SV2B: variants seen among roughly 807,000 people sequenced by gnomAD.
SV2B encodes the protein synaptic vesicle glycoprotein 2B, also known as solute carrier family 22 member B2.
In SV2B, 41 loss-of-function variants were observed where a neutral mutation model predicts 73.9. The observed-to-expected ratio is 0.56, with a 90% CI of 0.43 to 0.72. The LOEUF (loss-of-function observed/expected upper bound fraction) is 0.72. Among genes scored for constraint, SV2B ranks in the 30% least tolerant of loss-of-function variants. SV2B has a pLI of 0.00. For missense variants in SV2B, 764 were observed against 857.8 expected (o/e 0.89, Z 1.37); for synonymous variants, 314 against 314.2 (o/e 1.00, Z 0.01).
rs180936928 is a variant in SV2B, at chr15:91,224,142, C to T, written c.-391-1731C>T. Among the ~76,000 whole-genome samples, 7 of 152,284 alleles carry T rather than the reference C, an allele frequency of 4.6e-5. No individual in the cohort carries two copies. The highest frequency in any genetic ancestry group is 2.6e-4 in the Admixed American group (4 of 15,302). On this transcript the variant is annotated intron_variant, in intron 1 of 12. Coordinates refer to ENST00000394232, the MANE Select transcript of SV2B (RefSeq NM_001323032.3). This position sits in a 1 kb window ranked among gnomAD's most constrained non-coding sequence, Gnocchi z 4.9. Reference sequence around the variant, plus strand: ...GGAAGCAGGTGTGGGGCAGAGGGCCCAGGGATGGGCTGTGGGCAGAGGGAG... The same window carrying T: ...GGAAGCAGGTGTGGGGCAGAGGGCCTAGGGATGGGCTGTGGGCAGAGGGAG...
chr15:91,205,586 G>C (rs1026231827), intron 1 of SV2B, among the ~76,000 whole-genome samples: 1 of 151,856 alleles, frequency 6.6e-6, no homozygotes, highest in African/African-American at 2.4e-5. Flanking sequence ...GACTGGTCTC[G>C]AACTCTTGAT....
chr15:91,239,873 G>T lies in SV2B; in HGVS notation c.452-11946G>T, dbSNP rs971522172. Among the ~76,000 whole-genome samples the T allele has an allele frequency of 1.3e-5, 2 of 152,200 alleles. No homozygotes were observed. The highest frequency in any genetic ancestry group is 4.8e-5 in the African/African-American group (2 of 41,450). On this transcript the variant is annotated intron_variant, in intron 2 of 12. Transcript: ENST00000394232. This position sits in a 1 kb window ranked among gnomAD's most constrained non-coding sequence, Gnocchi z 5.1. ...TCTTTACTTTCCATGGTGGTCACAA[G>T]ATAGCCACCATAGCTCTAATCTAAG...
At chr15:91,156,249 A>C (rs2043486056) in intron 1 of SV2B, among the ~76,000 whole-genome samples, 1 of 152,166 alleles carries the variant, frequency 6.6e-6, no homozygotes. Flanking sequence ...AGGAAAGGGT[A>C]TAGATAGGCT....
chr15:91,208,487 A>G (rs563951446), intron 1 of SV2B, among the ~76,000 whole-genome samples: 3 of 152,310 alleles, frequency 2.0e-5, no homozygotes, highest in East Asian at 3.9e-4. Flanking sequence ...AGAAAACATC[A>G]TGTATTTGGT....
chr15:91,235,104 G>A, intron 2 of SV2B, among the ~76,000 whole-genome samples: 1 of 152,190 alleles, frequency 6.6e-6, no homozygotes, highest in East Asian at 1.9e-4. Context: ...AAGGATCATT[G>A]AGGAGAGAGA....
intron 1 of SV2B, among the ~76,000 whole-genome samples, chr15:91,101,600 G>A (rs1413898269): frequency 1.3e-5 from 2 of 152,148 alleles, no homozygotes; most frequent in Non-Finnish European, 1.5e-5. Flanking sequence ...CAGAGAGGAG[G>A]AGGAAATTGA....
chr15:91,250,237 C>A (rs1489840729), intron 2 of SV2B, among the ~76,000 whole-genome samples: 3 of 151,060 alleles, frequency 2.0e-5, no homozygotes, highest in South Asian at 4.2e-4. Context: ...TGTGATACAC[C>A]ACATTAACAT....
chr15:91,243,681 G>A (rs1048483273), intron 2 of SV2B, among the ~76,000 whole-genome samples: 6 of 152,226 alleles, frequency 3.9e-5, no homozygotes, highest in Non-Finnish European at 7.3e-5. Flanking sequence ...CATCTCCTGC[G>A]ATGATAAAGT....
Position 91,280,711 on chromosome 15 carries a change from C to T in SV2B, c.1374-1017C>T, listed in dbSNP as rs980545015. ...CCCACATGTGGCTGCGCCTCAGAAT[C>T]GTCTAGGTGCCTTATTGTCTTTTTA... On this transcript the variant is annotated intron_variant, in intron 9 of 12. Coordinates refer to ENST00000394232, the MANE Select transcript of SV2B (RefSeq NM_001323032.3). The surrounding 1 kb of genome is among the most constrained non-coding windows in gnomAD (Gnocchi z 5.8). 1.4e-4 allele frequency among the ~76,000 whole-genome samples: 22 copies of T among 152,166 alleles called. No individual in the cohort carries two copies. The highest frequency in any genetic ancestry group is 7.2e-4 in the Admixed American group (11 of 15,272).
chr15:91,252,565 C>T lies in SV2B; in HGVS notation c.784+45C>T. ...AGCCTAGGGGGCCCTGTTTCTATGG[C>T]TCCTGCACCCAAACAATAGTTCCTG... On this transcript the variant is annotated intron_variant, in intron 4 of 12. Transcript: ENST00000394232. This position sits in a 1 kb window ranked among gnomAD's most constrained non-coding sequence, Gnocchi z 4.6. The T allele has an allele frequency of 2.0e-6, 3 of 1,529,530 alleles. No homozygotes were observed. Among genetic ancestry groups the T allele is most frequent in the South Asian group, 1.3e-5 (1 of 78,174 alleles). 94.7% of individuals were successfully genotyped at this position (1,529,530 alleles called of 1,614,324 possible).
At chr15:91,247,697 C>T (rs1475977355) in intron 2 of SV2B, among the ~76,000 whole-genome samples, 1 of 152,158 alleles carries the variant, frequency 6.6e-6, no homozygotes, top group Non-Finnish European at 1.5e-5. Flanking sequence ...TTGCTGCAGT[C>T]AGGCTGAAAC....
intron 1 of SV2B, among the ~76,000 whole-genome samples, chr15:91,154,037 T>C (rs1250839967): frequency 6.6e-6 from 1 of 151,356 alleles, no homozygotes; most frequent in African/African-American, 2.4e-5. Flanking sequence ...GACTATAGAA[T>C]AATGTAAAGA....
rs140307825 is a variant in SV2B, at chr15:91,132,915, G to A, written c.-392+32552G>A. Among the ~76,000 whole-genome samples the A allele has an allele frequency of 1.3e-5, 2 of 152,290 alleles. No homozygotes were observed. Among genetic ancestry groups the A allele is most frequent in the South Asian group, 2.1e-4 (1 of 4,828 alleles). Reference sequence around the variant, plus strand: ...TCTCTGGTTCCTCATGGGAATTGGCGCCATTTCACTTAAGGCCAGTGCATA... The same window carrying A: ...TCTCTGGTTCCTCATGGGAATTGGCACCATTTCACTTAAGGCCAGTGCATA... On this transcript the variant is annotated intron_variant, in intron 1 of 12. Coordinates refer to ENST00000394232, the MANE Select transcript of SV2B (RefSeq NM_001323032.3). The surrounding 1 kb of genome is among the most constrained non-coding windows in gnomAD (Gnocchi z 4.6).
chr15:91,212,099 A>T (rs1373531949), intron 1 of SV2B, among the ~76,000 whole-genome samples: 3 of 152,194 alleles, frequency 2.0e-5, no homozygotes, highest in Non-Finnish European at 4.4e-5. Flanking sequence ...CTGTTTCTAG[A>T]TGCTCTCTTA....
chr15:91,182,382 T>C (rs1386380100), intron 1 of SV2B, among the ~76,000 whole-genome samples: 1 of 152,230 alleles, frequency 6.6e-6, no homozygotes, highest in African/African-American at 2.4e-5. Context: ...ATTTGTTGAA[T>C]GCACGCATGC....
At chr15:91,177,758 G>T (rs1224197238) in intron 1 of SV2B, among the ~76,000 whole-genome samples, 1 of 124,508 alleles carries the variant, frequency 8.0e-6, no homozygotes, top group African/African-American at 3.7e-5. Flanking sequence ...CTGAGACTTT[G>T]CTGAAGTTGC....
At chr15:91,277,038 T>G (rs767547786) in intron 9 of SV2B, among the ~76,000 whole-genome samples, 13 of 152,146 alleles carry the variant, frequency 8.5e-5, no homozygotes, top group Admixed American at 2.0e-4. Context: ...GTCAGGCTAG[T>G]CTCAAATTCC....
intron 1 of SV2B, among the ~76,000 whole-genome samples, chr15:91,164,775 G>A (rs958913089): frequency 3.3e-5 from 5 of 152,154 alleles, no homozygotes; most frequent in African/African-American, 1.2e-4. Context: ...AGATGAGTAT[G>A]TTTACACACA....
chr15:91,260,386 G>A lies in SV2B; in HGVS notation c.985G>A (p.Gly329Arg). 4.3e-6 allele frequency: 7 copies of A among 1,613,396 alleles called. No individual in the cohort carries two copies. The highest frequency in any genetic ancestry group is 5.9e-6 in the Non-Finnish European group (7 of 1,179,750). The change falls in exon 6 of 13, where the codon GGG (glycine) becomes AGG (arginine). Residue 329 changes from glycine to arginine, a missense_variant. Coordinates refer to ENST00000394232, the MANE Select transcript of SV2B (RefSeq NM_001323032.3). The part of the protein sequence containing the change: ...QVHDTNMRAK[G>R]TPEKVFTVSN... ...CCATGACACCAACATGAGAGCTAAG[G>A]GGACCCCAGAGAAAGTGTTCACGGT...
Sources: allele counts gnomAD v4.1 joint callset (sites outside exome capture counted in the v4.1 genomes callset), GRCh38; gene constraint gnomAD v4.1.1; non-coding constraint Gnocchi (gnomAD v3.1); transcripts MANE v1.5; gene names NCBI Gene and HGNC (gene_info 2026-07-23, HGNC 2026-07-21).